The following TJP1 variants were observed in gnomAD, a reference collection of about 807,000 sequenced individuals.
TJP1 encodes tight junction protein 1, also known as tight junction protein ZO-1.
TJP1 carries 43 observed loss-of-function variants against 194.2 expected under a neutral mutation model. The ratio of observed to expected loss-of-function variants is 0.22; its 90% CI spans 0.17 to 0.29. TJP1 has a LOEUF of 0.29. Ranked by LOEUF, TJP1 falls within the 10% of genes least tolerant of loss-of-function variation. The pLI is 1.00. For synonymous variants in TJP1, 801 were observed against 779.0 expected, an observed-to-expected ratio of 1.03 and a Z score of -0.47; for missense variants, 1,971 against 2,185.7, an observed-to-expected ratio of 0.90 and a Z score of 1.96.
At chr15:29,771,160 CATAAT>C (rs1378258896) in intron 4 of TJP1, among the ~76,000 whole-genome samples, 13 of 152,262 alleles carry the variant, frequency 8.5e-5, no homozygotes, top group African/African-American at 1.9e-4. Flanking sequence ...AGAACAGTAA[CATAAT>C]ATATCTATTA....
At position 29,758,690 on chromosome 15, in the gene TJP1, CTA is replaced by C. The variant is rs2045806020; in HGVS notation, c.1010+2447_1010+2448del. ...CTGCTCCCGTGAATCATCAAAGGTG[CTA>C]TATCACTGTGTGTGTGTATGTGTTG... On this transcript the variant is annotated intron_variant, in intron 8 of 27. Coordinates refer to ENST00000614355, the MANE Select transcript of TJP1 (RefSeq NM_001330239.4). Among the ~76,000 whole-genome samples, 3 of 152,248 alleles carry C rather than the reference CTA, an allele frequency of 2.0e-5. No individual in the cohort carries two copies. The South Asian group carries it at 6.2e-4, about 32-fold the overall frequency.
chr15:29,953,004 A>G lies in TJP1; in HGVS notation c.306+3228T>C, dbSNP rs2055805287. Among the ~76,000 whole-genome samples, 5 of 152,190 alleles carry G rather than the reference A, an allele frequency of 3.3e-5. No homozygotes were observed. In the South Asian group the frequency reaches 1.0e-3, roughly 31 times the overall value. On this transcript the variant is annotated intron_variant, in intron 2 of 28. Transcript: ENST00000356107. ...GTGGCTAAGGTTTTAAATTGGTTCT[A>G]CATGATTATATTACAAAGTCAACTT...
chr15:29,830,209 C>T (rs2050794302), intron 2 of TJP1, among the ~76,000 whole-genome samples: 1 of 151,770 alleles, frequency 6.6e-6, no homozygotes, highest in Non-Finnish European at 1.5e-5. Flanking sequence ...AGTAATAACA[C>T]TATTACTCTG....
chr15:29,821,095 T>C (rs2050306099), intron 1 of TJP1, among the ~76,000 whole-genome samples: 1 of 152,216 alleles, frequency 6.6e-6, no homozygotes, highest in Non-Finnish European at 1.5e-5. Flanking sequence ...TGTATTCCTT[T>C]GTTTGAAATA....
At chr15:29,768,941 G>T (rs1393005341) in intron 4 of TJP1, among the ~76,000 whole-genome samples, 2 of 152,052 alleles carry the variant, frequency 1.3e-5, no homozygotes, top group Admixed American at 1.3e-4. Context: ...CAACAGAGAG[G>T]CTTTTGCAAT....
chr15:29,926,568 C>T lies in TJP1; in HGVS notation c.306+29664G>A, dbSNP rs144005708. Among the ~76,000 whole-genome samples the T allele has an allele frequency of 4.5e-3, 672 of 150,372 alleles. 7 individuals are homozygous for T. Among genetic ancestry groups the T allele is most frequent in the African/African-American group, 0.016 (637 of 40,776 alleles). The stretch of plus-strand genomic sequence containing the variant: ...TGGAGGATGCAGTGAGCCAAGACTG[C>T]GCCATTGCACTCCAGCCTGGGTAAC... On this transcript the variant is annotated intron_variant, in intron 2 of 28. Coordinates refer to the TJP1 transcript ENST00000356107.
intron 2 of TJP1, among the ~76,000 whole-genome samples, chr15:29,783,323 G>A (rs987327228): frequency 6.6e-6 from 1 of 151,938 alleles, no homozygotes. Flanking sequence ...CTGTCAGAAT[G>A]GCTAATATTA....
chr15:29,825,303 T>C (rs1409914679), upstream of TJP1, among the ~76,000 whole-genome samples: 71 of 152,212 alleles, frequency 4.7e-4, no homozygotes, highest in Non-Finnish European at 5.9e-5. Flanking sequence ...TAGATCAATA[T>C]GGGAAGAAAT....
intron 2 of TJP1, among the ~76,000 whole-genome samples, chr15:29,845,577 G>A (rs563105579): frequency 9.9e-5 from 15 of 152,236 alleles, no homozygotes; most frequent in Non-Finnish European, 1.6e-4. Flanking sequence ...AGGCAGAGGC[G>A]GGCAGATCAC....
intron 15 of TJP1, chr15:29,730,877 G>A (rs547331367): frequency 3.2e-6 from 4 of 1,245,122 alleles, no homozygotes; most frequent in Admixed American, 3.4e-5. Flanking sequence ...TACCCAAAGG[G>A]AAAAAGGGAA....
intron 1 of TJP1, among the ~76,000 whole-genome samples, chr15:29,815,522 T>C (rs1346534937): frequency 3.3e-5 from 5 of 152,244 alleles, no homozygotes; most frequent in Admixed American, 6.5e-5. Flanking sequence ...TGTCTTCAGC[T>C]ACTATAATGC....
chr15:29,931,320 A>G (rs191241460), intron 2 of TJP1, among the ~76,000 whole-genome samples: 89 of 152,294 alleles, frequency 5.8e-4, no homozygotes, highest in Non-Finnish European at 1.1e-3. Context: ...AAATCTGCAT[A>G]TAAGTGGAGC....
rs549467169 is a variant in TJP1, at chr15:29,817,912, A to T, written c.27+4090T>A. On this transcript the variant is annotated intron_variant, in intron 1 of 27. Transcript: ENST00000614355. ...ATACCTAATGCATGTGGGGCTTAAA[A>T]CTTAGATGATGGGTTCATAGGTGCA... Among the ~76,000 whole-genome samples the T allele has an allele frequency of 8.5e-5, 13 of 152,080 alleles. 1 individual carries two copies. The highest frequency in any genetic ancestry group is 3.1e-4 in the African/African-American group (13 of 41,488).
intron 2 of TJP1, among the ~76,000 whole-genome samples, chr15:29,901,922 T>C (rs1025205416): frequency 1.3e-5 from 2 of 152,126 alleles, no homozygotes; most frequent in African/African-American, 2.4e-5. Flanking sequence ...ACTGTTCTCA[T>C]ATACTTTGTA....
intron 2 of TJP1, among the ~76,000 whole-genome samples, chr15:29,775,525 G>A (rs1202692244): frequency 1.3e-5 from 2 of 152,128 alleles, no homozygotes; most frequent in Non-Finnish European, 2.9e-5. Context: ...GACAGGCACA[G>A]AAATGTGCTC....
rs190667361 is a variant in TJP1 at position 29,920,674 on chromosome 15, G to A, written c.306+35558C>T. Reference sequence around the variant, plus strand: ...GGCGAAGGTGCTGAGTGGGAGGAGCGGCCACTGCATGCCCACAGAGGAAGC... The same window carrying A: ...GGCGAAGGTGCTGAGTGGGAGGAGCAGCCACTGCATGCCCACAGAGGAAGC... On this transcript the variant is annotated intron_variant, in intron 2 of 28. Transcript: ENST00000356107. 2.6e-5 allele frequency among the ~76,000 whole-genome samples: 4 copies of A among 152,214 alleles called. No homozygotes were observed. In the East Asian group the frequency reaches 5.8e-4, roughly 22 times the overall value.
At chr15:29,774,770 CAAA>C (rs1349952105) in intron 2 of TJP1, among the ~76,000 whole-genome samples, 1 of 151,446 alleles carries the variant, frequency 6.6e-6, no homozygotes, top group Non-Finnish European at 1.5e-5. Context: ...AAAGCGAACA[CAAA>C]AAAGTTAATA....
chr15:29,730,649 C>T (rs540017342), intron 15 of TJP1: 46 of 691,764 alleles, frequency 6.6e-5, no homozygotes, highest in Non-Finnish European at 9.8e-5. Flanking sequence ...ACCCCCGGAC[C>T]GACCAAAGCC....
At chr15:29,816,761 CA>C (rs1303216905) in intron 1 of TJP1, among the ~76,000 whole-genome samples, 6 of 152,026 alleles carry the variant, frequency 3.9e-5, no homozygotes, top group Non-Finnish European at 7.4e-5. Flanking sequence ...CTTAAGGTTT[CA>C]AAAACGTTAA....
Sources: allele counts gnomAD v4.1 joint callset (sites outside exome capture counted in the v4.1 genomes callset), GRCh38; gene constraint gnomAD v4.1.1; transcripts MANE v1.5; gene names NCBI Gene and HGNC (gene_info 2026-07-23, HGNC 2026-07-21).